Variants in CTNNA2 observed in about 807,000 individuals in gnomAD.
The protein encoded by CTNNA2 is catenin alpha 2.
Under a neutral mutation model 101.0 loss-of-function variants are expected in CTNNA2, and 42 were observed. The observed-to-expected ratio is 0.42, with a 90% CI of 0.32 to 0.54. The LOEUF (loss-of-function observed/expected upper bound fraction) is 0.54, where lower values mean the gene tolerates loss of function less well. Ranked by LOEUF, CTNNA2 falls within the 20% of genes least tolerant of loss-of-function variation. CTNNA2 has a pLI of 0.14. For synonymous variants in CTNNA2, 450 were observed against 456.4 expected, an observed-to-expected ratio of 0.99 and a Z score of 0.18; for missense variants, 871 against 1,223.1, an observed-to-expected ratio of 0.71 and a Z score of 4.29.
Position 79,256,618 on chromosome 2 carries a change from C to G in CTNNA2, c.-405-56091C>G, listed in dbSNP as rs146261994. The stretch of plus-strand genomic sequence containing the variant: ...TGACCCATTTGATCTGAAAGTAATA[C>G]TGAAACAAGTTTGTATTGATCTCAT... On this transcript the variant is annotated intron_variant, in intron 2 of 21. Transcript: ENST00000466387. 7.4e-3 allele frequency among the ~76,000 whole-genome samples: 1,126 copies of G among 152,288 alleles called. 14 individuals carry two copies. Among genetic ancestry groups the G allele is most frequent in the African/African-American group, 0.025 (1,044 of 41,570 alleles).
intron 3 of CTNNA2, among the ~76,000 whole-genome samples, chr2:79,796,546 C>T (rs555270506): frequency 1.3e-5 from 2 of 152,150 alleles, no homozygotes; most frequent in South Asian, 2.1e-4. Flanking sequence ...TGACCACAAG[C>T]GGGGCATACA....
chr2:79,350,459 A>G (rs570580578), intron 3 of CTNNA2, among the ~76,000 whole-genome samples: 2 of 152,280 alleles, frequency 1.3e-5, no homozygotes, highest in African/African-American at 4.8e-5. Context: ...TGCAAAAGTC[A>G]TGATTTTATT....
At chr2:79,824,321 T>C (rs935511412) in intron 3 of CTNNA2, among the ~76,000 whole-genome samples, 5 of 152,166 alleles carry the variant, frequency 3.3e-5, no homozygotes, top group African/African-American at 1.2e-4. Context: ...GCCTGAAGCA[T>C]GGGTCACCAT....
chr2:79,687,444 C>CTTTT (rs35164413), intron 2 of CTNNA2: 10 of 420,316 alleles, frequency 2.4e-5, no homozygotes, highest in Non-Finnish European at 2.9e-5. Flanking sequence ...TTTGGATCTG[C>CTTTT]TTTTTTTTTT....
At chr2:79,982,480 C>CACAT (rs1553421241) in intron 7 of CTNNA2, among the ~76,000 whole-genome samples, 1 of 149,438 alleles carries the variant, frequency 6.7e-6, no homozygotes, top group Admixed American at 6.7e-5. Context: ...ACTACACACA[C>CACAT]ACACACACAC....
At chr2:80,215,576 A>G (rs1353683539) in intron 7 of CTNNA2, among the ~76,000 whole-genome samples, 1 of 152,184 alleles carries the variant, frequency 6.6e-6, no homozygotes, top group Non-Finnish European at 1.5e-5. Context: ...GCAGAACAGC[A>G]AATATTGCAG....
chr2:79,874,385 TTG>T, intron 6 of CTNNA2, 43 bp downstream of exon 6: 1 of 1,566,040 alleles, frequency 6.4e-7, no homozygotes, highest in Admixed American at 1.9e-5. Context: ...GGCACTGGTG[TTG>T]ACAAAAAAAA....
intron 2 of CTNNA2, among the ~76,000 whole-genome samples, chr2:79,679,309 C>G (rs1038534636): frequency 2.0e-5 from 3 of 152,146 alleles, no homozygotes; most frequent in African/African-American, 7.2e-5. Context: ...AGGCCACAAC[C>G]AACTGGGAGA....
intron 18 of CTNNA2, among the ~76,000 whole-genome samples, chr2:80,623,451 A>C (rs1224040716): frequency 2.0e-5 from 3 of 151,948 alleles, no homozygotes; most frequent in African/African-American, 7.2e-5. Context: ...CGAAACATCC[A>C]TAACATTGAG....
intron 4 of CTNNA2, among the ~76,000 whole-genome samples, chr2:79,485,734 G>A (rs1404824150): frequency 6.6e-6 from 1 of 152,174 alleles, no homozygotes; most frequent in East Asian, 1.9e-4. Flanking sequence ...GCCAGCAACT[G>A]ATGTAGGCCT....
chr2:80,397,839 C>T (rs1678165505), intron 8 of CTNNA2, among the ~76,000 whole-genome samples: 2 of 152,130 alleles, frequency 1.3e-5, no homozygotes, highest in South Asian at 4.1e-4. Context: ...AAATTTTACT[C>T]TATCCTGCCT....
chr2:80,495,224 G>T (rs905081175), intron 9 of CTNNA2, among the ~76,000 whole-genome samples: 3 of 152,072 alleles, frequency 2.0e-5, no homozygotes, highest in Non-Finnish European at 4.4e-5. Flanking sequence ...ACTACAGCTG[G>T]GTCCTTTTAC....
intron 2 of CTNNA2, among the ~76,000 whole-genome samples, chr2:79,215,198 G>A (rs147042657): frequency 0.084 from 12,806 of 152,226 alleles, 648 homozygotes; most frequent in Middle Eastern, 0.19. Flanking sequence ...GTGGGGTCCT[G>A]CACAGATGGG....
intron 7 of CTNNA2, among the ~76,000 whole-genome samples, chr2:80,053,649 G>A (rs758343766): frequency 1.3e-5 from 2 of 152,130 alleles, no homozygotes; most frequent in Admixed American, 1.3e-4. Flanking sequence ...TCTCAGGTCT[G>A]GGATTATGCA....
At chr2:80,191,376 A>G (rs1706488878) in intron 7 of CTNNA2, among the ~76,000 whole-genome samples, 1 of 152,152 alleles carries the variant, frequency 6.6e-6, no homozygotes, top group Non-Finnish European at 1.5e-5. Context: ...CTTTCTTCCA[A>G]GAAGTATTTA....
At chr2:79,522,263 G>T (rs576163705) in intron 1 of CTNNA2, among the ~76,000 whole-genome samples, 1 of 152,192 alleles carries the variant, frequency 6.6e-6, no homozygotes, top group Non-Finnish European at 1.5e-5. Context: ...CTCTGAACTC[G>T]CTCCATCTTC....
rs56174873 is a variant in CTNNA2 at position 80,304,907 on chromosome 2, CAAAAAAAAAA to C, written c.1057-88290_1057-88281del. On this transcript the variant is annotated intron_variant, in intron 7 of 18. Coordinates refer to ENST00000402739, the MANE Select transcript of CTNNA2 (RefSeq NM_001282597.3). Reference sequence around the variant, plus strand: ...ACTTTCAGCTTTTTTGTCCATATTTCAAAAAAAAAAAAAAAAAAAAAAAGGAGGGGGGAGG... The same window carrying C: ...ACTTTCAGCTTTTTTGTCCATATTTCAAAAAAAAAAAAAGGAGGGGGGAGG... Among the ~76,000 whole-genome samples the C allele has an allele frequency of 9.5e-5, 7 of 73,820 alleles. No homozygotes were observed. In the East Asian group the frequency reaches 1.2e-3, roughly 13 times the overall value. The allele number at this position is 73,820 out of a possible 152,430, so 48.4% of individuals were successfully genotyped here. A position where few individuals can be genotyped will look rare whatever the true frequency, so the allele number is the denominator to read the frequency against.
At chr2:80,181,473 G>T (rs548202802) in intron 7 of CTNNA2, among the ~76,000 whole-genome samples, 12 of 152,216 alleles carry the variant, frequency 7.9e-5, no homozygotes, top group African/African-American at 2.9e-4. Flanking sequence ...TTTAATAGTA[G>T]ACACCTATTG....
chr2:79,629,904 T>C (rs1679574878), intron 1 of CTNNA2, among the ~76,000 whole-genome samples: 1 of 152,156 alleles, frequency 6.6e-6, no homozygotes, highest in Admixed American at 6.5e-5. Flanking sequence ...GGGAGCACAC[T>C]TTTCACTTGC....
Sources: allele counts gnomAD v4.1 joint callset (sites outside exome capture counted in the v4.1 genomes callset), GRCh38; gene constraint gnomAD v4.1.1; transcripts MANE v1.5; gene names NCBI Gene and HGNC (gene_info 2026-07-23, HGNC 2026-07-21).